KLK13: variants seen among roughly 807,000 people sequenced by gnomAD.
The protein encoded by KLK13 is kallikrein related peptidase 13, also known as kallikrein-13.
A neutral mutation model predicts 22.4 loss-of-function variants in KLK13; 19 were observed. That is an observed-to-expected ratio of 0.85 (90% CI 0.59 to 1.24). The LOEUF is 1.24. Ranked by LOEUF, KLK13 falls within the 50% of genes most tolerant of loss-of-function variation. The pLI is 0.00. For synonymous variants in KLK13, 156 were observed against 141.8 expected (o/e 1.10, Z -0.71); for missense variants, 311 against 347.9 (o/e 0.89, Z 0.84).
chr19:51,063,773 C>A, intron 1 of KLK13: 1 of 459,582 alleles, frequency 2.2e-6, no homozygotes, highest in Non-Finnish European at 4.4e-6. Flanking sequence ...CAGGTCTTGG[C>A]TCAAGGGTCA....
In KLK13 at chr19:51,055,824, C is replaced by T. The variant is rs566787017; in HGVS notation, c.*763G>A. 6.6e-6 allele frequency among the ~76,000 whole-genome samples: 1 copy of T among 152,274 alleles called. No individual in the cohort carries two copies. Among genetic ancestry groups the T allele is most frequent in the Non-Finnish European group, 1.5e-5 (1 of 68,026 alleles). ...ACCAAGGATGTTCATGGAGGGGATA[C>T]AAGACGGAATATTTGGTAGACAATA... is the stretch of plus-strand genomic sequence containing the variant. On this transcript the variant is annotated 3_prime_UTR_variant, in exon 5 of 5. Coordinates refer to ENST00000595793, the MANE Select transcript of KLK13 (RefSeq NM_015596.3).
chr19:51,064,285 C>T (rs150455827), intron 1 of KLK13, among the ~76,000 whole-genome samples: 55 of 151,870 alleles, frequency 3.6e-4, no homozygotes, highest in Non-Finnish European at 6.2e-4. Flanking sequence ...GTTAGAAGTT[C>T]GAGACCAGCC....
At chr19:51,061,130 C>T (rs897645480) in intron 1 of KLK13, among the ~76,000 whole-genome samples, 11 of 151,834 alleles carry the variant, frequency 7.2e-5, no homozygotes, top group African/African-American at 2.7e-4. Context: ...TCCATCCATC[C>T]ATCCAACCAT....
chr19:51,064,487 CAAAAAAAAAAAA>C (rs35554667), intron 1 of KLK13: 34 of 158,556 alleles, frequency 2.1e-4, no homozygotes, highest in African/African-American at 1.6e-3. Context: ...GGTTCCATCT[CAAAAAAAAAAAA>C]AAAAAAAAAA....
rs868391826 is a variant in KLK13 at position 51,056,443 on chromosome 19, G to A, written c.*144C>T. On this transcript the variant is annotated 3_prime_UTR_variant, in exon 5 of 5. Coordinates refer to ENST00000595793, the MANE Select transcript of KLK13 (RefSeq NM_015596.3). ...CAGTGCCTGAATGCTTCTGAAACAT[G>A]GAATGTTAGCTGAGATTGAGCATTT... 2 of 862,122 alleles carry A rather than the reference G, an allele frequency of 2.3e-6. No individual in the cohort carries two copies. The highest frequency in any genetic ancestry group is 3.4e-5 in the African/African-American group (2 of 59,232). 53.4% of individuals were successfully genotyped at this position (862,122 alleles called of 1,614,324 possible).
chr19:51,059,973 G>A lies in KLK13; in HGVS notation c.360C>T (p.Asn120=). The stretch of plus-strand genomic sequence containing the variant: ...CCAGAAGCATGATGTCATGGTCGTG[G>A]TTCAGGTGGGTGGGGCTTCTCCGGT... The part of the protein sequence containing the change: ...PEYRRSPTHL[N]HDHDIMLLEL... The change falls in exon 3 of 5, where the codon AAC becomes AAT. Residue 120 remains asparagine, a synonymous_variant. Transcript: ENST00000595793. 1 of 1,613,494 alleles carries A rather than the reference G, an allele frequency of 6.2e-7. No individual in the cohort carries two copies. Among genetic ancestry groups the A allele is most frequent in the African/African-American group, 1.3e-5 (1 of 74,984 alleles).
At chr19:51,064,933 C>T (rs895316372) in intron 1 of KLK13, 83 bp downstream of exon 1, 126 of 1,192,360 alleles carry the variant, frequency 1.1e-4, no homozygotes, top group Non-Finnish European at 1.3e-4. Flanking sequence ...GCTCGCGGCT[C>T]CCACGCCCCC....
chr19:51,059,755 C>T (rs770098712), intron 3 of KLK13, 70 bp downstream of exon 3: 2 of 1,318,634 alleles, frequency 1.5e-6, no homozygotes, highest in Admixed American at 2.8e-5. Context: ...CTCAGACCTT[C>T]CCTCCCATCT....
chr19:51,056,419 A>G lies in KLK13; in HGVS notation c.*168T>C. 1 of 722,206 alleles carries G rather than the reference A, an allele frequency of 1.4e-6. No individual in the cohort carries two copies. Among genetic ancestry groups the G allele is most frequent in the South Asian group, 1.8e-5 (1 of 54,932 alleles). 44.7% of individuals were successfully genotyped at this position (722,206 alleles called of 1,614,324 possible). On this transcript the variant is annotated 3_prime_UTR_variant, in exon 5 of 5. Transcript: ENST00000595793. ...ACATCTGGGAGACTGCAAGCCTGGC[A>G]GTGCCTGAATGCTTCTGAAACATGG... is the stretch of plus-strand genomic sequence containing the variant.
Position 51,058,545 on chromosome 19 carries a change from G to A in KLK13, c.638C>T (p.Ser213Phe). 1 of 1,614,108 alleles carries A rather than the reference G, an allele frequency of 6.2e-7. No homozygotes were observed. ...CCAGCCTCCCGGCCTCACCTCACAG[G>A]AGTCTTTGCCACCCTCTTTTGTGCC... ...CAGTKEGGKD[S>F]CEGDSGGPLV... The change falls in exon 4 of 5, where the codon TCC becomes TTC. Residue 213 changes from serine to phenylalanine, a missense_variant. By Grantham distance (155) the Ser-to-Phe change is radical. Coordinates refer to ENST00000595793, the MANE Select transcript of KLK13 (RefSeq NM_015596.3).
At chr19:51,059,195 A>G (rs1485329727) in intron 3 of KLK13, among the ~76,000 whole-genome samples, 1 of 151,868 alleles carries the variant, frequency 6.6e-6, no homozygotes, top group Non-Finnish European at 1.5e-5. Flanking sequence ...TCAACTTTAT[A>G]TTCACATATA....
rs1253301723 is a variant in KLK13 at position 51,060,101 on chromosome 19, T to C, written c.240-8A>G. ...AGGTAAACTTTGAGCCCCCTGTGGG[T>C]GCAGAAAGAAGGTGGTTAGGAAAGA... On this transcript the variant is annotated splice_polypyrimidine_tract_variant and splice_region_variant and intron_variant, in intron 2 of 4. Coordinates refer to ENST00000595793, the MANE Select transcript of KLK13 (RefSeq NM_015596.3). 6.2e-7 allele frequency: 1 copy of C among 1,612,490 alleles called. No individual in the cohort carries two copies. The highest frequency in any genetic ancestry group is 1.3e-5 in the African/African-American group (1 of 74,796).
chr19:51,058,815 A>C (rs2045292943), intron 3 of KLK13, 141 bp from the exon 4 acceptor site: 3 of 829,740 alleles, frequency 3.6e-6, no homozygotes, highest in Non-Finnish European at 5.9e-6. Context: ...ATGAGCACCT[A>C]TCTGGGTAAA....
chr19:51,057,166 C>A (rs2091683627), intron 4 of KLK13, among the ~76,000 whole-genome samples: 1 of 152,188 alleles, frequency 6.6e-6, no homozygotes, highest in African/African-American at 2.4e-5. Context: ...GACCCTGCTC[C>A]TATTTAAGGC....
At chr19:51,060,648 C>T (rs549801922) in intron 1 of KLK13, 29 bp from the exon 2 acceptor site, 1 of 1,548,764 alleles carries the variant, frequency 6.5e-7, no homozygotes, top group Non-Finnish European at 8.8e-7. Flanking sequence ...TGTTAGAAAA[C>T]TGGGATCCAG....
intron 4 of KLK13, among the ~76,000 whole-genome samples, chr19:51,057,486 G>C (rs1311680130): frequency 2.0e-5 from 3 of 151,418 alleles, no homozygotes; most frequent in Non-Finnish European, 4.4e-5. Flanking sequence ...TTTTGTTTTA[G>C]AGACAGGGCC....
chr19:51,059,007 C>T lies in KLK13; in HGVS notation c.509-333G>A, dbSNP rs374756325. Among the ~76,000 whole-genome samples, 6 of 151,514 alleles carry T rather than the reference C, an allele frequency of 4.0e-5. No homozygotes were observed. In the East Asian group the frequency reaches 7.8e-4, roughly 20 times the overall value. ...GAGGGAGTTGGAATAGGGAGATGGT[C>T]AGAAATAGAGAATTAAAGATGGGAA... On this transcript the variant is annotated intron_variant, in intron 3 of 4. Transcript: ENST00000595793.
In KLK13 at chr19:51,060,446, G is replaced by A; in HGVS notation, c.226C>T (p.His76Tyr). ...VHPKWVLTAA[H>Y]CLKEGLKVYL... ...GCCCCCACATACTCCTTTAGACAGT[G>A]TGCGGCAGTGAGGACCCATTTGGGG... Residue 76 changes from histidine (H) to tyrosine (Y), a missense_variant, in exon 2 of 5, where the codon CAC (histidine) becomes TAC (tyrosine). Coordinates refer to ENST00000595793, the MANE Select transcript of KLK13 (RefSeq NM_015596.3). 5 of 1,610,748 alleles carry A rather than the reference G, an allele frequency of 3.1e-6. No individual in the cohort carries two copies. The highest frequency in any genetic ancestry group is 4.2e-6 in the Non-Finnish European group (5 of 1,178,036).
rs568533405 is a variant in KLK13, at chr19:51,056,349, G to T, written c.*238C>A. 1 of 503,886 alleles carries T rather than the reference G, an allele frequency of 2.0e-6. No individual in the cohort carries two copies. The highest frequency in any genetic ancestry group is 2.6e-5 in the South Asian group (1 of 38,802). The allele number at this position is 503,886 out of a possible 1,614,324, so 31.2% of individuals were successfully genotyped here. A position where few individuals can be genotyped will look rare whatever the true frequency, so the allele number is the denominator to read the frequency against. On this transcript the variant is annotated 3_prime_UTR_variant, in exon 5 of 5. Transcript: ENST00000595793. The stretch of plus-strand genomic sequence containing the variant: ...ATGAAGTTGAGAGACCTGGGCCATT[G>T]TCTGGGTTGGGACATTCAGGTTGTT...
Sources: allele counts gnomAD v4.1 joint callset (sites outside exome capture counted in the v4.1 genomes callset), GRCh38; gene constraint gnomAD v4.1.1; transcripts MANE v1.5; gene names NCBI Gene and HGNC (gene_info 2026-07-23, HGNC 2026-07-21).